The following TRAPPC9 variants were observed in gnomAD, a reference collection of about 807,000 sequenced individuals.
The protein encoded by TRAPPC9 is trafficking protein particle complex subunit 9.
TRAPPC9 carries 83 observed loss-of-function variants against 124.0 expected under a neutral mutation model. The observed-to-expected ratio is 0.67, with a 90% CI of 0.56 to 0.80. The LOEUF (loss-of-function observed/expected upper bound fraction) is 0.80, where lower values mean the gene tolerates loss of function less well. TRAPPC9 is among the 30% of genes least tolerant of loss of function. TRAPPC9 has a pLI of 0.00. For missense variants in TRAPPC9, 1,302 were observed against 1,508.3 expected (o/e 0.86, Z 2.27); for synonymous variants, 638 against 617.5 (o/e 1.03, Z -0.49).
At chr8:140,128,721 G>A (rs2130685883) in intron 17 of TRAPPC9, among the ~76,000 whole-genome samples, 1 of 152,292 alleles carries the variant, frequency 6.6e-6, no homozygotes, top group East Asian at 1.9e-4. Context: ...AAATGGCGGA[G>A]CCGAGATGGG....
At chr8:139,973,557 G>T (rs1311469213) in intron 19 of TRAPPC9, among the ~76,000 whole-genome samples, 1 of 152,240 alleles carries the variant, frequency 6.6e-6, no homozygotes, top group Non-Finnish European at 1.5e-5. Flanking sequence ...ACTGCTAAGA[G>T]AAGAGGGAAT....
intron 2 of TRAPPC9, among the ~76,000 whole-genome samples, chr8:140,442,828 T>C (rs2132650389): frequency 6.6e-6 from 1 of 151,986 alleles, no homozygotes; most frequent in East Asian, 1.9e-4. Context: ...TCGGGGATGG[T>C]ATTACACAGT....
chr8:139,760,684 T>C (rs1820161502), intron 21 of TRAPPC9, among the ~76,000 whole-genome samples: 1 of 152,216 alleles, frequency 6.6e-6, no homozygotes, highest in Admixed American at 6.5e-5. Context: ...CACCCCAGCC[T>C]GTCTCAGAAG....
chr8:139,873,236 C>T (rs533469387), intron 21 of TRAPPC9, among the ~76,000 whole-genome samples: 2 of 152,110 alleles, frequency 1.3e-5, no homozygotes, highest in East Asian at 3.8e-4. Flanking sequence ...TCTGGGAACG[C>T]TGGGTCAGTC....
At chr8:140,202,006 T>C (rs1325800949) in intron 17 of TRAPPC9, among the ~76,000 whole-genome samples, 2 of 152,124 alleles carry the variant, frequency 1.3e-5, no homozygotes, top group Admixed American at 6.5e-5. Flanking sequence ...GGGAAAGACT[T>C]TGGAGTCAGG....
At chr8:139,746,562 C>T (rs1017235753) in intron 21 of TRAPPC9, among the ~76,000 whole-genome samples, 1 of 152,092 alleles carries the variant, frequency 6.6e-6, no homozygotes, top group African/African-American at 2.4e-5. Context: ...ATACAGGGGA[C>T]GAAGACACGA....
Position 139,732,132 on chromosome 8 carries a change from G to A in TRAPPC9, c.3126C>T (p.Arg1042=). The A allele has an allele frequency of 6.2e-7, 1 of 1,606,304 alleles. No homozygotes were observed. The highest frequency in any genetic ancestry group is 1.1e-5 in the South Asian group (1 of 89,928). Residue 1042 remains arginine (R), a synonymous_variant, in exon 22 of 23, where the codon CGC becomes CGT. Transcript: ENST00000438773. ...TCCGGTTGGTCAGCCGCACCTCCAG[G>A]CGCACGGGGTCGCCCACCTGGCAGG... ...VAACQVGDPV[R]LEVRLTNRSP...
chr8:139,862,883 CAT>C (rs527612912), intron 21 of TRAPPC9, among the ~76,000 whole-genome samples: 1 of 152,214 alleles, frequency 6.6e-6, no homozygotes, highest in African/African-American at 2.4e-5. Flanking sequence ...ATTGTACAGA[CAT>C]GTGTGCTCCG....
chr8:139,734,717 C>T (rs1386123394), intron 21 of TRAPPC9, among the ~76,000 whole-genome samples: 1 of 152,202 alleles, frequency 6.6e-6, no homozygotes, highest in Non-Finnish European at 1.5e-5. Flanking sequence ...GTTGAGCAAG[C>T]TCACAATCCA....
intron 17 of TRAPPC9, among the ~76,000 whole-genome samples, chr8:140,101,815 C>T (rs1271467816): frequency 1.3e-5 from 2 of 151,690 alleles, no homozygotes; most frequent in Non-Finnish European, 2.9e-5. Flanking sequence ...GCTGGGATTA[C>T]AGGTGTGAGC....
intron 19 of TRAPPC9, among the ~76,000 whole-genome samples, chr8:139,936,010 C>A (rs998449152): frequency 2.6e-5 from 4 of 152,200 alleles, no homozygotes; most frequent in African/African-American, 9.7e-5. Context: ...CCACTCCTGC[C>A]CAGGGCTTGG....
chr8:140,299,101 C>T (rs550837830), intron 11 of TRAPPC9, among the ~76,000 whole-genome samples: 93 of 152,258 alleles, frequency 6.1e-4, no homozygotes, highest in Non-Finnish European at 4.7e-4. Context: ...TGAACAGAGA[C>T]CAAAAGGATG....
At chr8:140,029,177 G>C (rs1840343245) in intron 17 of TRAPPC9, among the ~76,000 whole-genome samples, 2 of 152,190 alleles carry the variant, frequency 1.3e-5, no homozygotes, top group South Asian at 4.1e-4. Context: ...AATCTGAAGA[G>C]CCTCATGCCA....
chr8:139,743,474 C>G (rs1288944740), intron 21 of TRAPPC9, among the ~76,000 whole-genome samples: 1 of 152,206 alleles, frequency 6.6e-6, no homozygotes, highest in Non-Finnish European at 1.5e-5. Flanking sequence ...AGGCTCTATC[C>G]AGCCTGCCTC....
At position 139,729,492 on chromosome 8, in the gene TRAPPC9, G is replaced by C. The variant is rs909660738; in HGVS notation, c.*1569C>G. On this transcript the variant is annotated 3_prime_UTR_variant, in exon 23 of 23. Coordinates refer to ENST00000438773, the MANE Select transcript of TRAPPC9 (RefSeq NM_001160372.4). ...AGACCTTCTGGGGCTGCCTTCCCTG[G>C]GGAGCCTCGAGCAGATGCTGAATGA... Among the ~76,000 whole-genome samples, 1 of 152,182 alleles carries C rather than the reference G, an allele frequency of 6.6e-6. No homozygotes were observed. The highest frequency in any genetic ancestry group is 1.5e-5 in the Non-Finnish European group (1 of 68,024).
intron 21 of TRAPPC9, among the ~76,000 whole-genome samples, chr8:139,858,522 C>A (rs1347474588): frequency 6.6e-6 from 1 of 152,206 alleles, no homozygotes; most frequent in African/African-American, 2.4e-5. Flanking sequence ...GTTGACTTTG[C>A]AACTGACTCA....
intron 11 of TRAPPC9, 131 bp downstream of exon 11, chr8:140,300,338 C>A (rs564064404): frequency 1.7e-6 from 2 of 1,150,672 alleles, no homozygotes; most frequent in Non-Finnish European, 2.6e-6. Context: ...CATATGCATG[C>A]GTGCACACAT....
At chr8:140,111,840 T>A (rs543924221) in intron 17 of TRAPPC9, among the ~76,000 whole-genome samples, 1 of 152,340 alleles carries the variant, frequency 6.6e-6, no homozygotes, top group East Asian at 1.9e-4. Context: ...CAGATAAAAC[T>A]CCTTAAAATA....
At chr8:140,415,421 G>A (rs1160451621) in intron 5 of TRAPPC9, among the ~76,000 whole-genome samples, 1 of 151,606 alleles carries the variant, frequency 6.6e-6, no homozygotes, top group Non-Finnish European at 1.5e-5. Flanking sequence ...CGGGCGTGGT[G>A]GTGCACGCCT....
Sources: gnomAD v4.1 joint callset for allele counts (sites outside exome capture counted in the v4.1 genomes callset) on GRCh38, gnomAD v4.1.1 for gene constraint, MANE v1.5 for transcripts, NCBI Gene and HGNC (gene_info 2026-07-23, HGNC 2026-07-21) for gene names.